Variants in SPAG16 observed in about 807,000 individuals in gnomAD.
SPAG16 encodes sperm associated antigen 16, also known as sperm-associated antigen 16 protein.
Under a neutral mutation model 80.4 loss-of-function variants are expected in SPAG16, and 86 were observed. The observed-to-expected ratio is 1.07, with a 90% CI of 0.90 to 1.28. The LOEUF (loss-of-function observed/expected upper bound fraction) is 1.28. Among genes scored for constraint, SPAG16 ranks in the 50% most tolerant of loss-of-function variants. The probability of loss-of-function intolerance (pLI) is 0.00; values close to 1 mark genes in which losing one functional copy is unlikely to be tolerated. For missense variants in SPAG16, 870 were observed against 765.3 expected (o/e 1.14, Z -1.61); for synonymous variants, 294 against 265.9 (o/e 1.11, Z -1.03).
chr2:213,813,681 A>G (rs560325659), intron 10 of SPAG16, among the ~76,000 whole-genome samples: 14 of 152,318 alleles, frequency 9.2e-5, no homozygotes, highest in African/African-American at 3.1e-4. Context: ...ACAGAAGCAG[A>G]GGCGGTCTGC....
rs986774508 is a variant in SPAG16 at position 213,310,194 on chromosome 2, A to G, written c.398+17A>G. 31 of 1,489,830 alleles carry G rather than the reference A, an allele frequency of 2.1e-5. No homozygotes were observed. Among genetic ancestry groups the G allele is most frequent in the Non-Finnish European group, 2.9e-5 (31 of 1,075,644 alleles). The allele number at this position is 1,489,830 out of a possible 1,614,324, so 92.3% of individuals were successfully genotyped here. On this transcript the variant is annotated intron_variant, in intron 4 of 15. Transcript: ENST00000331683. ...GTCTGAATGGTAAACAATTATGTAGATAAATAGTTCTCTTAAAATTCTAAC... is the reference window on the plus strand; with the variant it reads ...GTCTGAATGGTAAACAATTATGTAGGTAAATAGTTCTCTTAAAATTCTAAC...
At chr2:214,019,807 T>A (rs2047768561) in intron 13 of SPAG16, among the ~76,000 whole-genome samples, 1 of 152,128 alleles carries the variant, frequency 6.6e-6, no homozygotes, top group Admixed American at 6.6e-5. Flanking sequence ...TTACTGGAGA[T>A]CTATGTGCTA....
chr2:213,504,151 A>G (rs2074866361), intron 10 of SPAG16, among the ~76,000 whole-genome samples: 1 of 152,210 alleles, frequency 6.6e-6, no homozygotes, highest in South Asian at 2.1e-4. Context: ...CGGAAGGACT[A>G]TGCAGGGGCT....
chr2:213,540,028 A>AGTTTTTTT (rs1559234806), intron 10 of SPAG16, among the ~76,000 whole-genome samples: 3 of 130,518 alleles, frequency 2.3e-5, no homozygotes, highest in Admixed American at 7.9e-5. Context: ...TATATTTCTT[A>AGTTTTTTT]ATTTTTTTTT....
intron 10 of SPAG16, among the ~76,000 whole-genome samples, chr2:213,732,340 C>CAA (rs59920491): frequency 0.024 from 3,701 of 151,444 alleles, 149 homozygotes; most frequent in African/African-American, 0.084. Flanking sequence ...GCCCCCCCCG[C>CAA]AAAAAAAATG....
intron 12 of SPAG16, among the ~76,000 whole-genome samples, chr2:213,981,036 T>C (rs1019236079): frequency 9.9e-5 from 15 of 152,218 alleles, no homozygotes; most frequent in African/African-American, 3.4e-4. Flanking sequence ...AATTTGTTTC[T>C]CACAGTTCTA....
intron 15 of SPAG16, among the ~76,000 whole-genome samples, chr2:214,303,775 A>G (rs1208504016): frequency 6.6e-6 from 1 of 152,074 alleles, no homozygotes; most frequent in Non-Finnish European, 1.5e-5. Context: ...ACTTTACATA[A>G]TCCAGTATTT....
intron 10 of SPAG16, among the ~76,000 whole-genome samples, chr2:213,772,329 C>T (rs1232093640): frequency 1.3e-5 from 2 of 152,086 alleles, no homozygotes; most frequent in Non-Finnish European, 2.9e-5. Flanking sequence ...CAGATCTTGA[C>T]TATCTCAGAA....
chr2:213,482,773 A>G (rs2073813453), intron 9 of SPAG16, among the ~76,000 whole-genome samples: 1 of 152,134 alleles, frequency 6.6e-6, no homozygotes, highest in African/African-American at 2.4e-5. Context: ...GTATCTAGGA[A>G]CCAGATTGTT....
intron 13 of SPAG16, among the ~76,000 whole-genome samples, chr2:214,028,915 T>C (rs887342294): frequency 3.3e-5 from 5 of 152,070 alleles, no homozygotes; most frequent in Non-Finnish European, 5.9e-5. Flanking sequence ...GCCTAACGTG[T>C]AGCAGGGACT....
chr2:213,498,862 T>C (rs2074613618), intron 10 of SPAG16, among the ~76,000 whole-genome samples: 1 of 152,138 alleles, frequency 6.6e-6, no homozygotes, highest in Admixed American at 6.6e-5. Context: ...CAAAATGAGT[T>C]GTTCAGTCAT....
intron 10 of SPAG16, among the ~76,000 whole-genome samples, chr2:213,605,237 C>T (rs4673748): frequency 0.24 from 35,756 of 150,988 alleles, 4,498 homozygotes; most frequent in African/African-American, 0.31. Flanking sequence ...AAATCAGACA[C>T]TTTATTTCAT....
At chr2:214,091,505 G>A (rs190136879) in intron 13 of SPAG16, among the ~76,000 whole-genome samples, 1 of 152,176 alleles carries the variant, frequency 6.6e-6, no homozygotes, top group Admixed American at 6.6e-5. Context: ...GCATAACAAT[G>A]TACTGAGAAG....
At chr2:213,534,215 A>G (rs150923845) in intron 10 of SPAG16, among the ~76,000 whole-genome samples, 348 of 152,152 alleles carry the variant, frequency 2.3e-3, no homozygotes, top group Non-Finnish European at 3.9e-3. Context: ...GCTATCTTAT[A>G]TGTTGCAAAT....
intron 12 of SPAG16, among the ~76,000 whole-genome samples, chr2:213,980,702 G>A (rs1559654083): frequency 7.6e-5 from 6 of 78,874 alleles, no homozygotes; most frequent in African/African-American, 4.9e-4. Context: ...ATATATGTGT[G>A]TGTGTGTGTG....
intron 10 of SPAG16, among the ~76,000 whole-genome samples, chr2:213,537,701 A>G (rs569800078): frequency 6.6e-5 from 10 of 152,054 alleles, no homozygotes; most frequent in South Asian, 4.1e-4. Context: ...AGTTTGGTTT[A>G]GTTTACAATC....
chr2:214,145,400 T>A (rs1201676175), intron 14 of SPAG16, among the ~76,000 whole-genome samples: 1 of 152,128 alleles, frequency 6.6e-6, no homozygotes, highest in Non-Finnish European at 1.5e-5. Flanking sequence ...GGTTTTTTCA[T>A]AATACATTTT....
intron 10 of SPAG16, among the ~76,000 whole-genome samples, chr2:213,670,647 G>C (rs1287826710): frequency 6.6e-6 from 1 of 151,546 alleles, no homozygotes; most frequent in Non-Finnish European, 1.5e-5. Context: ...TGTACTGATA[G>C]TATATACATT....
At chr2:214,115,303 T>C (rs561236055) in intron 14 of SPAG16, among the ~76,000 whole-genome samples, 13 of 152,326 alleles carry the variant, frequency 8.5e-5, no homozygotes, top group African/African-American at 2.6e-4. Context: ...AAACAAACTA[T>C]TAAAGTTGTA....
Sources: gnomAD v4.1 joint callset for allele counts (sites outside exome capture counted in the v4.1 genomes callset) on GRCh38, gnomAD v4.1.1 for gene constraint, MANE v1.5 for transcripts, NCBI Gene and HGNC (gene_info 2026-07-23, HGNC 2026-07-21) for gene names.